The following DOCK6 variants were observed in gnomAD, a reference collection of about 807,000 sequenced individuals.
DOCK6 encodes dedicator of cytokinesis protein 6.
Under a neutral mutation model 230.3 loss-of-function variants are expected in DOCK6, and 167 were observed. The observed-to-expected ratio is 0.73, with a 90% CI of 0.64 to 0.82. The LOEUF is 0.82. DOCK6 is among the 40% of genes least tolerant of loss of function. The probability of loss-of-function intolerance (pLI) is 0.00; values close to 1 mark genes in which losing one functional copy is unlikely to be tolerated. For synonymous variants in DOCK6, 1,148 were observed against 1,185.0 expected (o/e 0.97, Z 0.64); for missense variants, 2,598 against 2,825.8 (o/e 0.92, Z 1.83).
In DOCK6 at chr19:11,243,076, C is replaced by T. The variant is rs756796400; in HGVS notation, c.1463G>A (p.Arg488Gln). The change falls in exon 13 of 48, where the codon CGA becomes CAA. Residue 488 changes from arginine (R) to glutamine (Q), a missense_variant. Coordinates refer to ENST00000294618, the MANE Select transcript of DOCK6 (RefSeq NM_020812.4). The surrounding 1 kb of genome is among the most constrained non-coding windows in gnomAD (Gnocchi z 6.3). ...DMRRPSSLLR[R>Q]LRPVTAQLKI... is the part of the protein sequence containing the mutation. ...CCACGCACCAGTCACAGGACGTAGTCGCCGCAGCAGGGACGACGGGCGCCT... is the reference window on the plus strand; with the variant it reads ...CCACGCACCAGTCACAGGACGTAGTTGCCGCAGCAGGGACGACGGGCGCCT... 3 of 1,613,922 alleles carry T rather than the reference C, an allele frequency of 1.9e-6. No homozygotes were observed. Among genetic ancestry groups the T allele is most frequent in the East Asian group, 2.2e-5 (1 of 44,870 alleles).
In DOCK6 at chr19:11,209,023, C is replaced by T. The variant is rs1319145590; in HGVS notation, c.4832G>A (p.Gly1611Asp). 3 of 1,611,858 alleles carry T rather than the reference C, an allele frequency of 1.9e-6. No homozygotes were observed. The highest frequency in any genetic ancestry group is 1.3e-5 in the African/African-American group (1 of 74,966). Reference protein sequence around the residue: ...QNMAGKHAELGNHAEAAQCMV... With the variant: ...QNMAGKHAELDNHAEAAQCMV... Reference sequence around the variant, plus strand: ...GCACTGGGCGGCCTCGGCGTGGTTGCCCAGCTCCGCGTGCTTCCCGGCCAT... The same window carrying T: ...GCACTGGGCGGCCTCGGCGTGGTTGTCCAGCTCCGCGTGCTTCCCGGCCAT... Residue 1611 changes from glycine (G) to aspartate (D), a missense_variant, in exon 38 of 48, where the codon GGC becomes GAC. Coordinates refer to ENST00000294618, the MANE Select transcript of DOCK6 (RefSeq NM_020812.4).
rs542784008 is a variant in DOCK6, at chr19:11,262,472, C to A, written c.-32G>T. 36,675 of 1,137,178 alleles carry A rather than the reference C, an allele frequency of 0.032. 674 individuals are homozygous for A. The highest frequency in any genetic ancestry group is 0.035 in the Non-Finnish European group (32,590 of 928,572). 70.4% of individuals were successfully genotyped at this position (1,137,178 alleles called of 1,614,324 possible). A position where few individuals can be genotyped will look rare whatever the true frequency, so the allele number is the denominator to read the frequency against. ...CGCGTCCCGCCGCCGCCGCCCCGGG[C>A]CCCGGCCCCGCCGCCGCCGCCGCCT... On this transcript the variant is annotated 5_prime_UTR_variant, in exon 1 of 48. Coordinates refer to ENST00000294618, the MANE Select transcript of DOCK6 (RefSeq NM_020812.4).
chr19:11,237,670 T>C lies in DOCK6; in HGVS notation c.1942A>G (p.Thr648Ala), dbSNP rs2079872001. ...YHVSCQPRPG[T>A]ALETPVGFTW... Reference sequence around the variant, plus strand: ...AAGCCCACGGGTGTCTCCAGGGCAGTGCCCGGCCGGGGCTGGCAGCTGACA... The same window carrying C: ...AAGCCCACGGGTGTCTCCAGGGCAGCGCCCGGCCGGGGCTGGCAGCTGACA... The change falls in exon 17 of 48, where the codon ACT becomes GCT. Residue 648 changes from threonine to alanine, a missense_variant. Coordinates refer to ENST00000294618, the MANE Select transcript of DOCK6 (RefSeq NM_020812.4). The C allele has an allele frequency of 5.0e-5, 80 of 1,597,958 alleles. No individual in the cohort carries two copies. The highest frequency in any genetic ancestry group is 6.6e-5 in the Non-Finnish European group (78 of 1,173,010).
intron 6 of DOCK6, among the ~76,000 whole-genome samples, chr19:11,248,782 G>A (rs1903659130): frequency 6.6e-6 from 1 of 152,154 alleles, no homozygotes; most frequent in African/African-American, 2.4e-5. Context: ...CAGGGACTGG[G>A]TCTCTCTATT....
chr19:11,246,208 A>C (rs2080031347), intron 7 of DOCK6, among the ~76,000 whole-genome samples: 2 of 151,770 alleles, frequency 1.3e-5, no homozygotes, highest in African/African-American at 4.8e-5. Flanking sequence ...CTGGGACTAC[A>C]GGCACGTGCC....
chr19:11,200,452 C>T lies in DOCK6; in HGVS notation c.5957G>A (p.Arg1986Gln). 3 of 1,611,012 alleles carry T rather than the reference C, an allele frequency of 1.9e-6. No homozygotes were observed. Among genetic ancestry groups the T allele is most frequent in the Non-Finnish European group, 1.7e-6 (2 of 1,178,750 alleles). ...DFCKKCEDAL[R>Q]KNKALIGPDQ... ...CGGCCCAATCAGGGCCTTATTTTTC[C>T]GCAGCGCATCCTCACATCTGAGGGC... Residue 1986 changes from arginine (R) to glutamine (Q), a missense_variant, in exon 47 of 48, where the codon CGG becomes CAG. Arg to Gln is a conservative substitution (Grantham distance 43, BLOSUM62 1). Transcript: ENST00000294618. The surrounding 1 kb of genome is among the most constrained non-coding windows in gnomAD (Gnocchi z 4.3).
rs769669049 is a variant in DOCK6, at chr19:11,236,445, G to T, written c.2293C>A (p.Arg765Ser). ...ACAAGGGGTTCGGGGCTGGCCAGGCGCAGTGCTGCAAGACTGGCCCGCAGC... is the reference window on the plus strand; with the variant it reads ...ACAAGGGGTTCGGGGCTGGCCAGGCTCAGTGCTGCAAGACTGGCCCGCAGC... ...QELRASLAAL[R>S]LASPEPLVAF... The change falls in exon 20 of 48, where the codon CGC becomes AGC. Residue 765 changes from arginine (R) to serine (S), a missense_variant. Transcript: ENST00000294618. The surrounding 1 kb of genome is among the most constrained non-coding windows in gnomAD (Gnocchi z 5.2). The T allele has an allele frequency of 1.3e-6, 2 of 1,590,894 alleles. No homozygotes were observed. The highest frequency in any genetic ancestry group is 1.1e-5 in the South Asian group (1 of 87,180).
In DOCK6 at chr19:11,262,421, C is replaced by G. The variant is rs999880389; in HGVS notation, c.20G>C (p.Arg7Pro). MAASER[R>P]AFAHKINRTV... is the part of the protein sequence containing the mutation. ...CCTGTTGATCTTGTGCGCGAAGGCG[C>G]GGCGCTCGGAGGCAGCCATGGTCCT... The change falls in exon 1 of 48, where the codon CGC becomes CCC. Residue 7 changes from arginine (R) to proline (P), a missense_variant. Coordinates refer to ENST00000294618, the MANE Select transcript of DOCK6 (RefSeq NM_020812.4). 3 of 1,264,454 alleles carry G rather than the reference C, an allele frequency of 2.4e-6. No homozygotes were observed. The African/African-American group carries it at 4.6e-5, about 20-fold the overall frequency. The allele number at this position is 1,264,454 out of a possible 1,614,324, so 78.3% of individuals were successfully genotyped here.
chr19:11,256,083 C>A (rs527527814), intron 1 of DOCK6, among the ~76,000 whole-genome samples: 2 of 152,274 alleles, frequency 1.3e-5, no homozygotes, highest in East Asian at 3.9e-4. Context: ...CCACCTTGCC[C>A]GGCCCCATTT....
In DOCK6 at chr19:11,211,875, A is replaced by G. The variant is rs968285016; in HGVS notation, c.4652T>C (p.Val1551Ala). The change falls in exon 37 of 48, where the codon GTC (valine) becomes GCC (alanine). Residue 1551 changes from valine (V) to alanine (A), a missense_variant and splice_region_variant. Val to Ala is a moderately conservative substitution (Grantham distance 64, BLOSUM62 0). Coordinates refer to ENST00000294618, the MANE Select transcript of DOCK6 (RefSeq NM_020812.4). ...GTGCAGGTTGAACATCAGGTCCTGG[A>G]CCTGGAGCCGGGGAACGTCCAGGGG... is the stretch of plus-strand genomic sequence containing the variant. ...GLRDSTFAEQVQDLMFNLHMI... is the reference protein window; with the variant it reads ...GLRDSTFAEQAQDLMFNLHMI... 2 of 1,550,382 alleles carry G rather than the reference A, an allele frequency of 1.3e-6. No individual in the cohort carries two copies. Among genetic ancestry groups the G allele is most frequent in the African/African-American group, 1.4e-5 (1 of 72,674 alleles).
intron 28 of DOCK6, among the ~76,000 whole-genome samples, chr19:11,220,206 G>A (rs1156510383): frequency 1.3e-5 from 2 of 151,856 alleles, no homozygotes; most frequent in Admixed American, 6.6e-5. Flanking sequence ...CACCTGCCTC[G>A]GCCTCCCAAA....
chr19:11,227,351 T>A lies in DOCK6; in HGVS notation c.2941A>T (p.Thr981Ser). The A allele has an allele frequency of 6.2e-7, 1 of 1,613,740 alleles. No individual in the cohort carries two copies. Among genetic ancestry groups the A allele is most frequent in the South Asian group, 1.1e-5 (1 of 91,070 alleles). ...GCATCTCTCACCTTGTGGACACGGG[T>A]GATGACCTCCAGGCCCACAGAGCCC... ...LVGSVGLEVI[T>S]RVHKDVELAE... The change falls in exon 24 of 48, where the codon ACC becomes TCC. Residue 981 changes from threonine (T) to serine (S), a missense_variant. Transcript: ENST00000294618.
intron 9 of DOCK6, 106 bp downstream of exon 9, chr19:11,245,457 G>T: frequency 8.1e-7 from 1 of 1,233,816 alleles, no homozygotes; most frequent in Non-Finnish European, 1.2e-6. Flanking sequence ...CCCCACAACA[G>T]CCCTGATTAC....
intron 18 of DOCK6, 128 bp from the exon 19 acceptor site, chr19:11,237,007 T>C (rs911343783): frequency 4.3e-6 from 4 of 934,526 alleles, no homozygotes; most frequent in Non-Finnish European, 6.3e-6. Flanking sequence ...CCAAGCACCC[T>C]GCCCCCAGCC....
chr19:11,262,502 G>C lies in DOCK6; in HGVS notation c.-62C>G. On this transcript the variant is annotated 5_prime_UTR_variant, in exon 1 of 48. Transcript: ENST00000294618. ...GCCCCGCCGCCGCCGCCGCCTCCCG[G>C]TTCTGGGCAGCCGGGGCGGGGCGGG... is the stretch of plus-strand genomic sequence containing the variant. The C allele has an allele frequency of 2.0e-6, 2 of 1,009,370 alleles. No individual in the cohort carries two copies. Among genetic ancestry groups the C allele is most frequent in the Non-Finnish European group, 2.4e-6 (2 of 845,004 alleles). 62.5% of individuals were successfully genotyped at this position (1,009,370 alleles called of 1,614,324 possible).
chr19:11,215,956 G>A (rs751451467), intron 30 of DOCK6, 29 bp from the exon 31 acceptor site: 1 of 1,612,768 alleles, frequency 6.2e-7, no homozygotes, highest in Non-Finnish European at 8.5e-7. Context: ...GGGGTTCCAG[G>A]CTGACTCTGC....
At chr19:11,237,404 G>A (rs1253679472) in intron 18 of DOCK6, 52 bp downstream of exon 18, 2 of 1,602,276 alleles carry the variant, frequency 1.2e-6, no homozygotes, top group Admixed American at 3.3e-5. Flanking sequence ...AGGTGACTCG[G>A]GAGTGCTTCT....
rs1387308109 is a variant in DOCK6, at chr19:11,204,239, G to A, written c.5181C>T (p.His1727=). ...TGGTGAAGGCCTCCTGCAGTTTGCC[G>A]TGCACCGCGGCCAGCTTCTTGTAGT... ...HRDYKKLAAV[H]GKLQEAFTKI... The change falls in exon 40 of 48, where the codon CAC becomes CAT. Residue 1727 remains histidine, a synonymous_variant. Coordinates refer to ENST00000294618, the MANE Select transcript of DOCK6 (RefSeq NM_020812.4). 7 of 1,582,936 alleles carry A rather than the reference G, an allele frequency of 4.4e-6. No individual in the cohort carries two copies. The highest frequency in any genetic ancestry group is 2.3e-5 in the East Asian group (1 of 43,542).
intron 23 of DOCK6, among the ~76,000 whole-genome samples, chr19:11,228,560 C>CTTTT (rs1044123664): frequency 1.1e-4 from 14 of 128,908 alleles, no homozygotes; most frequent in Admixed American, 4.7e-4. Flanking sequence ...GGGCTTCTCT[C>CTTTT]TTTTTTTTTT....
Sources: gnomAD v4.1 joint callset for allele counts (sites outside exome capture counted in the v4.1 genomes callset) on GRCh38, gnomAD v4.1.1 for gene constraint, Gnocchi (gnomAD v3.1) non-coding constraint, MANE v1.5 for transcripts, NCBI Gene and HGNC (gene_info 2026-07-23, HGNC 2026-07-21) for gene names.